Variants in DIAPH2 observed in about 807,000 individuals in gnomAD.
DIAPH2 encodes protein diaphanous homolog 2.
In DIAPH2, 35 loss-of-function variants were observed where a neutral mutation model predicts 92.7. The observed-to-expected ratio is 0.38, with a 90% CI of 0.29 to 0.50. The LOEUF is 0.50. Ranked by LOEUF, DIAPH2 falls within the 20% of genes least tolerant of loss-of-function variation. DIAPH2 has a pLI of 0.94. For synonymous variants in DIAPH2, 301 were observed against 280.4 expected, an observed-to-expected ratio of 1.07 and a Z score of -0.73; for missense variants, 701 against 819.5, an observed-to-expected ratio of 0.86 and a Z score of 1.77.
At chrX:97,331,495 G>A (rs1602513913) in intron 23 of DIAPH2, among the ~76,000 whole-genome samples, 1 of 111,787 alleles carries the variant, frequency 8.9e-6, no homozygotes, top group African/African-American at 3.2e-5. Context: ...GAGAAAAGGA[G>A]TTGCTGAACA....
At chrX:96,725,647 C>T (rs949161891) in intron 1 of DIAPH2, among the ~76,000 whole-genome samples, 3 of 111,787 alleles carry the variant, frequency 2.7e-5, no homozygotes, top group Non-Finnish European at 3.8e-5. Context: ...AGCTAAACAA[C>T]TGCTATACAA....
chrX:97,247,769 A>T lies in DIAPH2; in HGVS notation c.2774A>T (p.His925Leu). ...NLASMEQQIV[H>L]LERDIKKFPQ... The stretch of plus-strand genomic sequence containing the variant: ...GCATCAATGGAACAACAAATTGTTC[A>T]TCTGGAACGTGACATCAAGAAATTC... Residue 925 changes from histidine (H) to leucine (L), a missense_variant, in exon 23 of 27, where the codon CAT becomes CTT. Transcript: ENST00000324765. 1 of 1,206,642 alleles carries T rather than the reference A, an allele frequency of 8.3e-7. No individual in the cohort carries two copies. The highest frequency in any genetic ancestry group is 1.1e-6 in the Non-Finnish European group (1 of 891,268).
chrX:96,910,065 C>T (rs939890392), intron 5 of DIAPH2, among the ~76,000 whole-genome samples: 31 of 111,135 alleles, frequency 2.8e-4, no homozygotes, highest in African/African-American at 9.8e-4. Context: ...TAAATTTGTT[C>T]AGAATTCCTA....
At chrX:96,948,862 T>C in intron 14 of DIAPH2, 73 bp from the exon 15 acceptor site, 1 of 580,398 alleles carries the variant, frequency 1.7e-6, no homozygotes, top group Non-Finnish European at 2.5e-6. Context: ...ACTCCACTTA[T>C]TTAATACATA....
chrX:96,746,695 A>G (rs2064152565), intron 3 of DIAPH2, among the ~76,000 whole-genome samples: 1 of 107,757 alleles, frequency 9.3e-6, no homozygotes, highest in African/African-American at 3.4e-5. Context: ...CTGAGACTGT[A>G]TGCACGTGCC....
At chrX:97,432,475 A>ATTTTAT (rs1055079524) in intron 26 of DIAPH2, among the ~76,000 whole-genome samples, 2 of 105,759 alleles carry the variant, frequency 1.9e-5, no homozygotes, top group Non-Finnish European at 3.9e-5. Context: ...TTGTATTTTT[A>ATTTTAT]TTTTATTTTT....
At chrX:97,127,671 G>A (rs2067102326) in intron 21 of DIAPH2, among the ~76,000 whole-genome samples, 1 of 112,511 alleles carries the variant, frequency 8.9e-6, no homozygotes, top group South Asian at 3.6e-4. Context: ...ATAATTTCTT[G>A]TAGTAACTTT....
At chrX:97,375,895 G>C (rs2069495698) in intron 24 of DIAPH2, among the ~76,000 whole-genome samples, 1 of 111,609 alleles carries the variant, frequency 9.0e-6, no homozygotes. Flanking sequence ...AGCTTAGCAA[G>C]GCCTGGGGTA....
chrX:97,419,297 C>T (rs1472920360), intron 25 of DIAPH2, among the ~76,000 whole-genome samples: 2 of 111,519 alleles, frequency 1.8e-5, no homozygotes, highest in African/African-American at 6.5e-5. Flanking sequence ...TAAAGGGCCA[C>T]GTAGTAAATA....
intron 26 of DIAPH2, among the ~76,000 whole-genome samples, chrX:97,574,422 T>C (rs1318250137): frequency 9.3e-6 from 1 of 107,049 alleles, no homozygotes; most frequent in Non-Finnish European, 1.9e-5. Context: ...AAAAATCATT[T>C]ACCAAATGTC....
intron 17 of DIAPH2, among the ~76,000 whole-genome samples, chrX:96,989,950 T>C (rs948524026): frequency 1.8e-5 from 2 of 112,140 alleles, no homozygotes; most frequent in African/African-American, 6.5e-5. Flanking sequence ...TGCATATGTA[T>C]GTGGAAGGGT....
At chrX:96,696,827 A>T (rs1167796396) in intron 1 of DIAPH2, among the ~76,000 whole-genome samples, 1 of 112,218 alleles carries the variant, frequency 8.9e-6, no homozygotes, top group African/African-American at 3.2e-5. Context: ...AAGGTCTGGG[A>T]TTTTCCCTTA....
intron 17 of DIAPH2, among the ~76,000 whole-genome samples, chrX:97,068,170 A>T (rs1314140785): frequency 9.0e-6 from 1 of 111,536 alleles, no homozygotes; most frequent in Non-Finnish European, 1.9e-5. Context: ...TTCCCTGATC[A>T]CTAGTGAAGT....
At chrX:97,486,681 T>A (rs1033221798) in intron 26 of DIAPH2, among the ~76,000 whole-genome samples, 3 of 112,030 alleles carry the variant, frequency 2.7e-5, no homozygotes, top group Non-Finnish European at 5.6e-5. Flanking sequence ...CCAGTGCAAG[T>A]AGGTAGTCAC....
At chrX:96,962,203 A>T (rs1469029600) in intron 16 of DIAPH2, among the ~76,000 whole-genome samples, 1 of 98,790 alleles carries the variant, frequency 1.0e-5, no homozygotes, top group Non-Finnish European at 2.0e-5. Context: ...TGGGTGCTCC[A>T]GTGTTGGGTA....
chrX:97,016,164 C>G (rs187259866), intron 17 of DIAPH2, among the ~76,000 whole-genome samples: 5,137 of 111,727 alleles, frequency 0.046, 150 homozygotes, highest in Non-Finnish European at 0.073. Flanking sequence ...GTAGGTGGGG[C>G]AGTTCACCAA....
chrX:97,356,599 C>G (rs5967304), intron 24 of DIAPH2, among the ~76,000 whole-genome samples: 19,789 of 111,370 alleles, frequency 0.18, 1,438 homozygotes, highest in Middle Eastern at 0.24. Context: ...TCATTGAATT[C>G]TTCTTTAGAA....
chrX:96,804,350 TTC>T (rs748689608), intron 4 of DIAPH2, among the ~76,000 whole-genome samples: 15 of 112,071 alleles, frequency 1.3e-4, no homozygotes, highest in African/African-American at 4.9e-4. Context: ...GATATTCATT[TTC>T]TCTCTCTGCC....
chrX:97,484,572 G>A (rs1440108577), intron 26 of DIAPH2, among the ~76,000 whole-genome samples: 1 of 111,716 alleles, frequency 9.0e-6, no homozygotes, highest in Non-Finnish European at 1.9e-5. Context: ...TATTAACATA[G>A]ACGGTACTTT....
Sources: allele counts gnomAD v4.1 joint callset (sites outside exome capture counted in the v4.1 genomes callset), GRCh38; gene constraint gnomAD v4.1.1; transcripts MANE v1.5; gene names NCBI Gene and HGNC (gene_info 2026-07-23, HGNC 2026-07-21).